Variants in KAT6A observed in about 807,000 individuals in gnomAD.
The protein encoded by KAT6A is histone acetyltransferase KAT6A.
Under a neutral mutation model 198.4 loss-of-function variants are expected in KAT6A, and 9 were observed. The ratio of observed to expected loss-of-function variants is 0.05; its 90% CI spans 0.03 to 0.08. The LOEUF (loss-of-function observed/expected upper bound fraction) is 0.08, where lower values mean the gene tolerates loss of function less well. Among genes scored for constraint, KAT6A ranks in the 10% least tolerant of loss-of-function variants. The pLI is 1.00. For synonymous variants in KAT6A, 890 were observed against 883.0 expected, an observed-to-expected ratio of 1.01 and a Z score of -0.14; for missense variants, 2,077 against 2,509.9, an observed-to-expected ratio of 0.83 and a Z score of 3.69.
chr8:41,940,488 T>TA (rs1258447979), intron 15 of KAT6A, among the ~76,000 whole-genome samples: 2 of 152,182 alleles, frequency 1.3e-5, no homozygotes, highest in African/African-American at 4.8e-5. Context: ...AATCTGTACA[T>TA]ACTTTAAAAA....
chr8:42,007,033 A>T (rs1825785033), intron 2 of KAT6A, among the ~76,000 whole-genome samples: 1 of 151,300 alleles, frequency 6.6e-6, no homozygotes, highest in Non-Finnish European at 1.5e-5. Flanking sequence ...AACTTACTCT[A>T]ATCTAAAACC....
intron 9 of KAT6A, among the ~76,000 whole-genome samples, chr8:41,953,615 A>G (rs946567386): frequency 2.6e-5 from 4 of 152,184 alleles, no homozygotes; most frequent in South Asian, 4.1e-4. Context: ...CTGGGATTAC[A>G]GGCACCCACC....
chr8:42,012,765 T>A (rs1177008223), intron 2 of KAT6A, among the ~76,000 whole-genome samples: 1 of 152,200 alleles, frequency 6.6e-6, no homozygotes, highest in Admixed American at 6.5e-5. Flanking sequence ...TATATATGAA[T>A]GTTTATAGAA....
chr8:42,003,812 T>C (rs1017543623), intron 2 of KAT6A, among the ~76,000 whole-genome samples: 2 of 152,112 alleles, frequency 1.3e-5, no homozygotes, highest in African/African-American at 4.8e-5. Context: ...ACTGGTATCC[T>C]TATAAGAGAA....
chr8:42,049,152 T>A lies in KAT6A; in HGVS notation c.-175A>T. On this transcript the variant is annotated 5_prime_UTR_variant, in exon 2 of 17. The change abolishes the stop of an existing upstream ORF in the 5' untranslated region. Transcript: ENST00000265713. ...AAACAGAATGCCACCCCAATTGTACTATAGAAACCAAAACAACCTGTTGAT... is the reference window on the plus strand; with the variant it reads ...AAACAGAATGCCACCCCAATTGTACAATAGAAACCAAAACAACCTGTTGAT... The A allele has an allele frequency of 1.6e-6, 1 of 627,632 alleles. No individual in the cohort carries two copies. Among genetic ancestry groups the A allele is most frequent in the Non-Finnish European group, 2.7e-6 (1 of 367,706 alleles). 38.9% of individuals were successfully genotyped at this position (627,632 alleles called of 1,614,324 possible).
In KAT6A at chr8:41,938,039, T is replaced by C. The variant is rs144912104; in HGVS notation, c.3040-471A>G. 2.4e-3 allele frequency among the ~76,000 whole-genome samples: 371 copies of C among 152,298 alleles called. 2 individuals are homozygous for C. The highest frequency in any genetic ancestry group is 6.1e-3 in the Admixed American group (94 of 15,294). On this transcript the variant is annotated intron_variant, in intron 15 of 16. Coordinates refer to ENST00000265713, the MANE Select transcript of KAT6A (RefSeq NM_006766.5). ...CATAAAAAGCTGTGGAATGTAGAAA[T>C]ATGGGGCTGAAATGTATTTACTCAG...
Position 41,961,312 on chromosome 8 carries a change from G to A in KAT6A, c.1483-5901C>T, listed in dbSNP as rs530457783. On this transcript the variant is annotated intron_variant, in intron 8 of 16. Transcript: ENST00000265713. ...TTGAGCTCCTAAGCCCACGGCTTCC[G>A]TTTGTGCATGAGATAACATCTTCCT... is the stretch of plus-strand genomic sequence containing the variant. Among the ~76,000 whole-genome samples, 125 of 152,324 alleles carry A rather than the reference G, an allele frequency of 8.2e-4. 3 individuals are homozygous for A. In the South Asian group the frequency reaches 0.024, roughly 29 times the overall value.
At chr8:42,028,027 C>T (rs1268916910) in intron 2 of KAT6A, among the ~76,000 whole-genome samples, 1 of 152,082 alleles carries the variant, frequency 6.6e-6, no homozygotes, top group African/African-American at 2.4e-5. Flanking sequence ...CGGGAGCATG[C>T]TGTTTAATTT....
At chr8:42,035,963 G>A (rs777123726) in intron 2 of KAT6A, among the ~76,000 whole-genome samples, 1 of 152,112 alleles carries the variant, frequency 6.6e-6, no homozygotes, top group African/African-American at 2.4e-5. Context: ...GGCCCCTGAG[G>A]TAGCAGAGAA....
chr8:42,041,971 CTATT>C (rs772407952), intron 2 of KAT6A, among the ~76,000 whole-genome samples: 35 of 152,056 alleles, frequency 2.3e-4, no homozygotes, highest in Non-Finnish European at 4.3e-4. Context: ...GCATGGACAA[CTATT>C]TATTGCCTTT....
chr8:42,027,467 A>G (rs1335387465), intron 2 of KAT6A, among the ~76,000 whole-genome samples: 3 of 152,098 alleles, frequency 2.0e-5, no homozygotes, highest in African/African-American at 7.2e-5. Flanking sequence ...TTCTGATTCA[A>G]TTGTGTTACT....
At chr8:41,995,671 T>C (rs1038259874) in intron 2 of KAT6A, among the ~76,000 whole-genome samples, 8 of 132,832 alleles carry the variant, frequency 6.0e-5, no homozygotes, top group African/African-American at 2.4e-4. Context: ...CCAATTTTCA[T>C]TTCTTTTTTT....
At chr8:42,011,874 G>A (rs1260739053) in intron 2 of KAT6A, among the ~76,000 whole-genome samples, 4 of 150,376 alleles carry the variant, frequency 2.7e-5, no homozygotes, top group African/African-American at 9.8e-5. Context: ...AAGAACAGAG[G>A]TGTGGGGAAA....
Position 42,041,258 on chromosome 8 carries a change from A to C in KAT6A, c.600+7120T>G, listed in dbSNP as rs562676649. Among the ~76,000 whole-genome samples the C allele has an allele frequency of 6.7e-4, 101 of 151,744 alleles. 1 individual carries two copies. Among genetic ancestry groups the C allele is most frequent in the Non-Finnish European group, 4.9e-4 (33 of 67,992 alleles). ...TAAACAGATACTATTTTACAAACATATCTCTGAGTTATTTTTAAATTTCTG... is the reference window on the plus strand; with the variant it reads ...TAAACAGATACTATTTTACAAACATCTCTCTGAGTTATTTTTAAATTTCTG... On this transcript the variant is annotated intron_variant, in intron 2 of 16. Transcript: ENST00000265713.
chr8:41,986,327 A>T (rs1315051640), intron 3 of KAT6A, among the ~76,000 whole-genome samples: 1 of 152,198 alleles, frequency 6.6e-6, no homozygotes, highest in Non-Finnish European at 1.5e-5. Context: ...AGGGCCTAGA[A>T]TTTCACATTG....
chr8:41,996,415 T>C (rs764188249), intron 2 of KAT6A, among the ~76,000 whole-genome samples: 17 of 152,364 alleles, frequency 1.1e-4, no homozygotes, highest in South Asian at 4.1e-4. Flanking sequence ...TAATACTCCC[T>C]ATAACACTCA....
chr8:41,945,109 G>A (rs549334641), intron 12 of KAT6A, among the ~76,000 whole-genome samples: 1 of 152,162 alleles, frequency 6.6e-6, no homozygotes, highest in African/African-American at 2.4e-5. Context: ...TTAGAACTGT[G>A]AGCTATCACT....
At chr8:41,999,031 A>T (rs1473582525) in intron 2 of KAT6A, among the ~76,000 whole-genome samples, 1 of 152,286 alleles carries the variant, frequency 6.6e-6, no homozygotes, top group East Asian at 1.9e-4. Flanking sequence ...ACAATTAGAC[A>T]TCAATAAGAT....
At chr8:41,937,699 T>C in intron 15 of KAT6A, 131 bp from the exon 16 acceptor site, 1 of 659,414 alleles carries the variant, frequency 1.5e-6, no homozygotes, top group South Asian at 2.2e-5. Flanking sequence ...AAAAATATTT[T>C]GAATATTATT....
Sources: allele counts gnomAD v4.1 joint callset (sites outside exome capture counted in the v4.1 genomes callset), GRCh38; gene constraint gnomAD v4.1.1; transcripts MANE v1.5; gene names NCBI Gene and HGNC (gene_info 2026-07-23, HGNC 2026-07-21).